The following ARID2 variants were observed in gnomAD, a reference collection of about 807,000 sequenced individuals.
ARID2 encodes AT-rich interactive domain-containing protein 2.
ARID2 carries 32 observed loss-of-function variants against 184.6 expected under a neutral mutation model. The ratio of observed to expected loss-of-function variants is 0.17; its 90% CI spans 0.13 to 0.23. The LOEUF (loss-of-function observed/expected upper bound fraction) is 0.23, where lower values mean the gene tolerates loss of function less well. Ranked by LOEUF, ARID2 falls within the 10% of genes least tolerant of loss-of-function variation. The probability of loss-of-function intolerance (pLI) is 1.00; values close to 1 mark genes in which losing one functional copy is unlikely to be tolerated. For synonymous variants in ARID2, 836 were observed against 772.6 expected, an observed-to-expected ratio of 1.08 and a Z score of -1.36; for missense variants, 1,696 against 2,197.6, an observed-to-expected ratio of 0.77 and a Z score of 4.56.
intron 3 of ARID2, among the ~76,000 whole-genome samples, chr12:45,744,119 A>T (rs529862798): frequency 6.6e-6 from 1 of 152,292 alleles, no homozygotes; most frequent in Admixed American, 6.5e-5. Context: ...TGCATTGGCC[A>T]GTATATCCAT....
chr12:45,855,852 C>T (rs1943637762), intron 15 of ARID2, among the ~76,000 whole-genome samples: 1 of 151,762 alleles, frequency 6.6e-6, no homozygotes. Flanking sequence ...AAGACTGTAG[C>T]TGGGAGCACA....
At chr12:45,829,125 A>C (rs1943060833) in intron 6 of ARID2, among the ~76,000 whole-genome samples, 1 of 151,980 alleles carries the variant, frequency 6.6e-6, no homozygotes. Flanking sequence ...CCTCATATGG[A>C]TACCCACTTG....
At chr12:45,785,108 T>C (rs761927894) in intron 3 of ARID2, among the ~76,000 whole-genome samples, 5 of 152,234 alleles carry the variant, frequency 3.3e-5, no homozygotes, top group Non-Finnish European at 7.3e-5. Context: ...CGAAGAAGCC[T>C]CTCTTCTTAT....
intron 3 of ARID2, among the ~76,000 whole-genome samples, chr12:45,790,739 A>G (rs1321990562): frequency 6.6e-6 from 1 of 152,182 alleles, no homozygotes; most frequent in Non-Finnish European, 1.5e-5. Flanking sequence ...CATAAAAACT[A>G]TCTTGGCTAG....
intron 3 of ARID2, among the ~76,000 whole-genome samples, chr12:45,768,993 C>T (rs1436239344): frequency 6.6e-6 from 1 of 152,146 alleles, no homozygotes; most frequent in Non-Finnish European, 1.5e-5. Context: ...TGAGGGGCTT[C>T]ACACAGAGGG....
At chr12:45,755,626 TA>T (rs748348318) in intron 3 of ARID2, among the ~76,000 whole-genome samples, 1 of 152,148 alleles carries the variant, frequency 6.6e-6, no homozygotes, top group Non-Finnish European at 1.5e-5. Flanking sequence ...CCATTGTTCA[TA>T]ATCATGTAAA....
chr12:45,892,127 C>T (rs1361561189), intron 18 of ARID2, 31 bp downstream of exon 18: 2 of 1,591,656 alleles, frequency 1.3e-6, no homozygotes, highest in African/African-American at 2.7e-5. Context: ...TCCTGTTGTA[C>T]ATACAAAAAG....
intron 3 of ARID2, among the ~76,000 whole-genome samples, chr12:45,795,643 A>C (rs1385347257): frequency 2.6e-5 from 4 of 151,928 alleles, no homozygotes; most frequent in Middle Eastern, 3.4e-3. Flanking sequence ...TCACTGTGTT[A>C]GCCAGGATGG....
At chr12:45,897,821 T>G (rs553887331) in intron 20 of ARID2, among the ~76,000 whole-genome samples, 102 of 152,210 alleles carry the variant, frequency 6.7e-4, no homozygotes, top group African/African-American at 2.4e-3. Context: ...CGCTTTTTAG[T>G]GTACAGTTCT....
intron 3 of ARID2, among the ~76,000 whole-genome samples, chr12:45,740,063 C>T (rs1162338189): frequency 2.6e-5 from 4 of 152,080 alleles, no homozygotes; most frequent in Non-Finnish European, 4.4e-5. Flanking sequence ...AGTGTGCTTG[C>T]AAATAATAGG....
intron 3 of ARID2, among the ~76,000 whole-genome samples, chr12:45,735,201 ATGTG>A (rs1419687937): frequency 3.3e-5 from 5 of 152,064 alleles, no homozygotes; most frequent in Non-Finnish European, 5.9e-5. Flanking sequence ...GAATACACTC[ATGTG>A]TTCTCTAGTT....
intron 3 of ARID2, among the ~76,000 whole-genome samples, chr12:45,801,108 C>A (rs758745397): frequency 2.0e-5 from 3 of 152,022 alleles, no homozygotes; most frequent in South Asian, 4.1e-4. Flanking sequence ...GTCAGGAGAT[C>A]GAGACCATCC....
intron 3 of ARID2, chr12:45,789,525 G>A (rs1355671075): frequency 6.6e-6 from 1 of 152,070 alleles, no homozygotes; most frequent in Non-Finnish European, 1.5e-5. Flanking sequence ...AGGATAATAT[G>A]TATTCTGTAA....
At chr12:45,867,496 A>G (rs1447117380) in intron 16 of ARID2, among the ~76,000 whole-genome samples, 1 of 150,492 alleles carries the variant, frequency 6.6e-6, no homozygotes, top group Non-Finnish European at 1.5e-5. Flanking sequence ...TAATCCCAGC[A>G]CTTTGGGAGG....
intron 20 of ARID2, among the ~76,000 whole-genome samples, chr12:45,903,794 T>A (rs1406675582): frequency 4.6e-5 from 7 of 152,114 alleles, no homozygotes. Flanking sequence ...TAGTTTCTTT[T>A]ATTCGGAGTT....
intron 16 of ARID2, among the ~76,000 whole-genome samples, chr12:45,872,719 T>G (rs1213524477): frequency 6.6e-6 from 1 of 152,220 alleles, no homozygotes; most frequent in Non-Finnish European, 1.5e-5. Flanking sequence ...TCAATTACTA[T>G]TTAATTCCAT....
At chr12:45,848,017 GTA>G (rs998621670) in intron 12 of ARID2, among the ~76,000 whole-genome samples, 2 of 151,992 alleles carry the variant, frequency 1.3e-5, no homozygotes, top group African/African-American at 4.8e-5. Context: ...TATAAAATGT[GTA>G]TGTGTTAAGC....
chr12:45,840,856 AT>A (rs1461600734), intron 11 of ARID2: 1 of 152,170 alleles, frequency 6.6e-6, no homozygotes, highest in Non-Finnish European at 1.5e-5. Context: ...AAGTGTATAG[AT>A]TTGTGTCATA....
intron 16 of ARID2, among the ~76,000 whole-genome samples, chr12:45,861,688 A>G (rs1357006028): frequency 6.7e-6 from 1 of 150,270 alleles, no homozygotes; most frequent in African/African-American, 2.4e-5. Flanking sequence ...AGGTTCAAGC[A>G]ATTCTTTTGC....
Sources: gnomAD v4.1 joint callset for allele counts (sites outside exome capture counted in the v4.1 genomes callset) on GRCh38, gnomAD v4.1.1 for gene constraint, MANE v1.5 for transcripts, NCBI Gene and HGNC (gene_info 2026-07-23, HGNC 2026-07-21) for gene names.